SLC2A12: variants seen among roughly 807,000 people sequenced by gnomAD.
SLC2A12 encodes the protein solute carrier family 2 member 12, also known as solute carrier family 2, facilitated glucose transporter member 12.
In SLC2A12, 23 loss-of-function variants were observed where a neutral mutation model predicts 41.8. That is an observed-to-expected ratio of 0.55 (90% CI 0.40 to 0.78). SLC2A12 has a LOEUF of 0.78. SLC2A12 is among the 30% of genes least tolerant of loss of function. The pLI is 0.00. For synonymous variants in SLC2A12, 295 were observed against 285.9 expected (o/e 1.03, Z -0.32); for missense variants, 654 against 745.6 (o/e 0.88, Z 1.43).
In SLC2A12 at chr6:134,002,257, T is replaced by C. The variant is rs78524029; in HGVS notation, c.1568-128A>G. On this transcript the variant is annotated intron_variant, in intron 3 of 4. Coordinates refer to ENST00000275230, the MANE Select transcript of SLC2A12 (RefSeq NM_145176.3). The stretch of plus-strand genomic sequence containing the variant: ...AACATGCCAGCAGTATCCAGGAAAA[T>C]AGAAATCACAAATTTAAAATGTAGC... 8,569 of 1,027,070 alleles carry C rather than the reference T, an allele frequency of 8.3e-3. 51 individuals carry two copies. Among genetic ancestry groups the C allele is most frequent in the Non-Finnish European group, 0.011 (7,633 of 719,722 alleles). The allele number at this position is 1,027,070 out of a possible 1,614,324, so 63.6% of individuals were successfully genotyped here. A position where few individuals can be genotyped will look rare whatever the true frequency, so the allele number is the denominator to read the frequency against.
intron 4 of SLC2A12, among the ~76,000 whole-genome samples, chr6:134,001,581 C>T (rs1196504979): frequency 6.6e-6 from 1 of 151,860 alleles, no homozygotes; most frequent in South Asian, 2.1e-4. Flanking sequence ...TAACCTTGTA[C>T]GTACATATTG....
At chr6:134,016,911 C>A (rs1202998733) in intron 2 of SLC2A12, among the ~76,000 whole-genome samples, 1 of 152,154 alleles carries the variant, frequency 6.6e-6, no homozygotes, top group East Asian at 1.9e-4. Context: ...AGCAAAAACA[C>A]TTCCCTCCCA....
At chr6:134,008,353 A>AT (rs1266902936) in intron 2 of SLC2A12, among the ~76,000 whole-genome samples, 1 of 152,164 alleles carries the variant, frequency 6.6e-6, no homozygotes, top group African/African-American at 2.4e-5. Context: ...GAAAAAATCT[A>AT]TTTTTTTCTT....
chr6:134,043,576 C>T (rs1777414155), intron 1 of SLC2A12, among the ~76,000 whole-genome samples: 1 of 151,906 alleles, frequency 6.6e-6, no homozygotes, highest in African/African-American at 2.4e-5. Flanking sequence ...GGGCGGATCA[C>T]CAGGGCAAGA....
intron 2 of SLC2A12, among the ~76,000 whole-genome samples, chr6:134,010,625 C>A (rs540115868): frequency 1.3e-5 from 2 of 152,028 alleles, no homozygotes; most frequent in Admixed American, 6.5e-5. Context: ...TGTGGGGGGG[C>A]GGAGGTGTGG....
intron 4 of SLC2A12, among the ~76,000 whole-genome samples, chr6:133,996,479 C>T (rs2114418521): frequency 6.6e-6 from 1 of 152,286 alleles, no homozygotes; most frequent in East Asian, 1.9e-4. Flanking sequence ...ACTTAACATC[C>T]TTGGAAGAAT....
chr6:134,040,367 C>A (rs1207142062), intron 1 of SLC2A12, among the ~76,000 whole-genome samples: 1 of 152,182 alleles, frequency 6.6e-6, no homozygotes, highest in East Asian at 1.9e-4. Context: ...GTGTGAGCCA[C>A]CACGCCAGGT....
At chr6:134,049,486 C>T (rs191394238) in intron 1 of SLC2A12, among the ~76,000 whole-genome samples, 3 of 152,126 alleles carry the variant, frequency 2.0e-5, no homozygotes, top group Non-Finnish European at 4.4e-5. Flanking sequence ...TCTGTGTGAC[C>T]GTGGGCCGAT....
intron 1 of SLC2A12, among the ~76,000 whole-genome samples, chr6:134,046,218 G>T (rs1392144158): frequency 1.3e-5 from 2 of 152,156 alleles, no homozygotes; most frequent in African/African-American, 4.8e-5. Flanking sequence ...AAATAATAAT[G>T]GGCACTGCTA....
rs76421282 is a variant in SLC2A12 at position 133,995,450 on chromosome 6, T to C, written c.1701-4142A>G. Among the ~76,000 whole-genome samples, 591 of 152,112 alleles carry C rather than the reference T, an allele frequency of 3.9e-3. 2 individuals are homozygous for C. The highest frequency in any genetic ancestry group is 0.013 in the African/African-American group (558 of 41,500). On this transcript the variant is annotated intron_variant, in intron 4 of 4. Transcript: ENST00000275230. The stretch of plus-strand genomic sequence containing the variant: ...GGAAGTTTCCCCCTGATTATGTCCA[T>C]TTTCTCAGTGAAGTCAGAAGCAAGG...
chr6:134,024,487 G>A (rs1011571081), intron 2 of SLC2A12, among the ~76,000 whole-genome samples: 1 of 152,088 alleles, frequency 6.6e-6, no homozygotes, highest in Non-Finnish European at 1.5e-5. Flanking sequence ...TCCTACAATT[G>A]TGCGATACCA....
intron 1 of SLC2A12, among the ~76,000 whole-genome samples, chr6:134,036,785 G>C (rs1331366577): frequency 6.6e-6 from 1 of 152,176 alleles, no homozygotes; most frequent in Non-Finnish European, 1.5e-5. Flanking sequence ...CAACTGAATA[G>C]CAATCCATTA....
rs368474186 is a variant in SLC2A12 at position 134,011,121 on chromosome 6, C to T, written c.1445-4187G>A. 6.3e-4 allele frequency among the ~76,000 whole-genome samples: 96 copies of T among 152,232 alleles called. 5 individuals are homozygous for T. In the South Asian group the frequency reaches 0.02, roughly 31 times the overall value. On this transcript the variant is annotated intron_variant, in intron 2 of 4. Coordinates refer to ENST00000275230, the MANE Select transcript of SLC2A12 (RefSeq NM_145176.3). The stretch of plus-strand genomic sequence containing the variant: ...ACTCAGACTGCAGAGTTTTCAACAA[C>T]TTGATTTGCAAAGGAGCCATGCCCT...
intron 2 of SLC2A12, among the ~76,000 whole-genome samples, chr6:134,023,887 CTG>C (rs1434629695): frequency 6.6e-6 from 1 of 152,182 alleles, no homozygotes; most frequent in Non-Finnish European, 1.5e-5. Context: ...TGATTTTGTG[CTG>C]TGTTACTTAG....
chr6:134,039,087 AGTTC>A (rs1360162840), intron 1 of SLC2A12, among the ~76,000 whole-genome samples: 189 of 152,250 alleles, frequency 1.2e-3, no homozygotes, highest in African/African-American at 4.4e-3. Context: ...CTACTTGTTG[AGTTC>A]TTTTTCCATT....
chr6:134,035,046 C>T (rs1024898283), intron 1 of SLC2A12, among the ~76,000 whole-genome samples: 1 of 151,128 alleles, frequency 6.6e-6, no homozygotes, highest in Admixed American at 6.6e-5. Context: ...CTGTCTTCTT[C>T]CTGCTGTTGG....
intron 4 of SLC2A12, among the ~76,000 whole-genome samples, chr6:134,000,095 G>A (rs767060502): frequency 4.6e-5 from 7 of 152,064 alleles, no homozygotes; most frequent in East Asian, 1.9e-4. Flanking sequence ...CAGGCAATGC[G>A]TTAGTTAGTC....
chr6:134,035,151 CAAAAAAAA>C (rs71003662), intron 1 of SLC2A12, among the ~76,000 whole-genome samples: 5,367 of 107,858 alleles, frequency 0.05, 121 homozygotes, highest in Middle Eastern at 0.082. Flanking sequence ...GGCTGCCTGA[CAAAAAAAA>C]AAAAAAAAAA....
At chr6:134,030,892 G>A (rs181303325) in intron 1 of SLC2A12, among the ~76,000 whole-genome samples, 38 of 152,240 alleles carry the variant, frequency 2.5e-4, no homozygotes, top group South Asian at 1.2e-3. Flanking sequence ...GGGCATTGAC[G>A]CTATAGGTTT....
Sources: gnomAD v4.1 joint callset for allele counts (sites outside exome capture counted in the v4.1 genomes callset) on GRCh38, gnomAD v4.1.1 for gene constraint, MANE v1.5 for transcripts, NCBI Gene and HGNC (gene_info 2026-07-23, HGNC 2026-07-21) for gene names.